IL13RA1: variants seen among roughly 807,000 people sequenced by gnomAD.
IL13RA1 encodes the protein interleukin-13 receptor subunit alpha-1.
A neutral mutation model predicts 33.8 loss-of-function variants in IL13RA1; 14 were observed. The ratio of observed to expected loss-of-function variants is 0.41; its 90% CI spans 0.27 to 0.65. IL13RA1 has a LOEUF of 0.65. IL13RA1 is among the 30% of genes least tolerant of loss of function. IL13RA1 has a pLI of 0.28. For missense variants in IL13RA1, 313 were observed against 327.0 expected, an observed-to-expected ratio of 0.96 and a Z score of 0.33; for synonymous variants, 116 against 115.7, an observed-to-expected ratio of 1.00 and a Z score of -0.02.
intron 1 of IL13RA1, among the ~76,000 whole-genome samples, chrX:118,736,024 ATTCT>A (rs1309086455): frequency 9.0e-6 from 1 of 110,830 alleles, no homozygotes; most frequent in African/African-American, 3.3e-5. Flanking sequence ...AAGTTTATTG[ATTCT>A]TTCTTCTGCC....
At chrX:118,734,944 A>C (rs145619488) in intron 1 of IL13RA1, among the ~76,000 whole-genome samples, 2 of 111,005 alleles carry the variant, frequency 1.8e-5, no homozygotes, top group African/African-American at 6.6e-5. Flanking sequence ...ATTTTTGATT[A>C]CTGATTCAAT....
Position 118,747,770 on chromosome X carries a change from T to C in IL13RA1, c.367+678T>C, listed in dbSNP as rs187170021. The stretch of plus-strand genomic sequence containing the variant: ...TGGCTCTTATGTTACATACAGGGAG[T>C]AGCATATACTGATTAAGAGCAGGGC... On this transcript the variant is annotated intron_variant, in intron 3 of 10. Coordinates refer to ENST00000371666, the MANE Select transcript of IL13RA1 (RefSeq NM_001560.3). Among the ~76,000 whole-genome samples, 348 of 109,964 alleles carry C rather than the reference T, an allele frequency of 3.2e-3. 1 individual carries two copies. Among genetic ancestry groups the C allele is most frequent in the African/African-American group, 0.011 (334 of 30,290 alleles).
At chrX:118,796,820 G>A (rs1393072694), downstream of IL13RA1, among the ~76,000 whole-genome samples, 2 of 112,987 alleles carry the variant, frequency 1.8e-5, no homozygotes, top group Admixed American at 9.3e-5. Context: ...ACAGGCGTGA[G>A]CCACCGTGCC....
At chrX:118,747,384 C>T (rs946622929) in intron 3 of IL13RA1, among the ~76,000 whole-genome samples, 5 of 109,635 alleles carry the variant, frequency 4.6e-5, no homozygotes, top group African/African-American at 1.3e-4. Flanking sequence ...CACACACACA[C>T]GCACACCCCT....
chrX:118,782,285 G>C (rs943240985), intron 10 of IL13RA1, among the ~76,000 whole-genome samples: 1 of 110,977 alleles, frequency 9.0e-6, no homozygotes, highest in African/African-American at 3.3e-5. Context: ...ATGTTGCCCA[G>C]GCTGGTCTTG....
chrX:118,799,716 A>G, the IL13RA1 span, among the ~76,000 whole-genome samples: 1 of 67,180 alleles, frequency 1.5e-5, no homozygotes, highest in Non-Finnish European at 2.8e-5. Context: ...TAAACACACC[A>G]ATCAGCACCT....
rs921472645 is a variant in IL13RA1 at position 118,727,773 on chromosome X, C to A, written c.88+47C>A. Reference sequence around the variant, plus strand: ...CGAGGGGCGGCCGGAGGGCTGAGGGCGGTGAGGGTCACGGCTGAAAGGCCC... The same window carrying A: ...CGAGGGGCGGCCGGAGGGCTGAGGGAGGTGAGGGTCACGGCTGAAAGGCCC... On this transcript the variant is annotated intron_variant, in intron 1 of 10. Coordinates refer to ENST00000371666, the MANE Select transcript of IL13RA1 (RefSeq NM_001560.3). The A allele has an allele frequency of 1.1e-5, 7 of 609,477 alleles. No individual in the cohort carries two copies. In the African/African-American group the frequency reaches 1.5e-4, roughly 13 times the overall value. 50.2% of individuals were successfully genotyped at this position (609,477 alleles called of 1,213,427 possible). A position where few individuals can be genotyped will look rare whatever the true frequency, so the allele number is the denominator to read the frequency against.
intron 10 of IL13RA1, among the ~76,000 whole-genome samples, chrX:118,781,874 G>C (rs1007505806): frequency 8.1e-5 from 9 of 111,338 alleles, no homozygotes; most frequent in African/African-American, 2.9e-4. Context: ...TGATACAACA[G>C]CATGTCCCCT....
At chrX:118,786,074 G>C (rs2017913653) in intron 10 of IL13RA1, among the ~76,000 whole-genome samples, 1 of 111,434 alleles carries the variant, frequency 9.0e-6, no homozygotes, top group Non-Finnish European at 1.9e-5. Context: ...TTCTGTAAGA[G>C]TATTATTCTG....
chrX:118,772,010 A>G (rs1420573090), intron 8 of IL13RA1, among the ~76,000 whole-genome samples: 1 of 112,303 alleles, frequency 8.9e-6, no homozygotes, highest in Non-Finnish European at 1.9e-5. Context: ...ATCTCTGGAA[A>G]ACTAGTTGGT....
At position 118,770,546 on chromosome X, in the gene IL13RA1, G is replaced by A. The variant is rs745459269; in HGVS notation, c.1010-3333G>A. ...AACCAGGACTTCGTGGTGTGGATGC[G>A]CATGGCAGCGCTGCCCACGTTCCGC... On this transcript the variant is annotated intron_variant, in intron 8 of 10. Transcript: ENST00000371666. The A allele has an allele frequency of 3.2e-5, 17 of 523,084 alleles. No homozygotes were observed. In the East Asian group the frequency reaches 5.9e-4, roughly 18 times the overall value. The allele number at this position is 523,084 out of a possible 1,213,427, so 43.1% of individuals were successfully genotyped here. A position where few individuals can be genotyped will look rare whatever the true frequency, so the allele number is the denominator to read the frequency against.
Position 118,776,470 on chromosome X carries a change from AT to A in IL13RA1, c.1155del (p.Phe385LeufsTer32). 1 of 959,581 alleles carries A rather than the reference AT, an allele frequency of 1.0e-6. No individual in the cohort carries two copies. Among genetic ancestry groups the A allele is most frequent in the Non-Finnish European group, 1.5e-6 (1 of 680,063 alleles). The allele number at this position is 959,581 out of a possible 1,213,427, so 79.1% of individuals were successfully genotyped here. On this transcript the variant is annotated frameshift_variant, in exon 10 of 11. Coordinates refer to ENST00000371666, the MANE Select transcript of IL13RA1 (RefSeq NM_001560.3). LOFTEE classifies it high-confidence loss of function. ...CCCTCCAATTCCTGATCCTGGCAAG[AT>A]TTTTAAAGAAATGTTTGGAGACCAG... ...IFPPIPDPGKIFKEMFGDQND... is the reference protein window; with the variant it reads ...IFPPIPDPGKXFKEMFGDQND...
chrX:118,763,013 T>G (rs1364183046), intron 6 of IL13RA1, among the ~76,000 whole-genome samples: 1 of 111,171 alleles, frequency 9.0e-6, no homozygotes, highest in African/African-American at 3.3e-5. Flanking sequence ...CAACACATAC[T>G]GGGGCCTGTG....
At chrX:118,730,547 G>A (rs2017205219) in intron 1 of IL13RA1, among the ~76,000 whole-genome samples, 1 of 111,654 alleles carries the variant, frequency 9.0e-6, no homozygotes, top group Non-Finnish European at 1.9e-5. Flanking sequence ...CTCCTTTGTG[G>A]TCAAGAAGGA....
intron 1 of IL13RA1, among the ~76,000 whole-genome samples, chrX:118,734,146 A>G (rs1487261405): frequency 8.9e-6 from 1 of 112,141 alleles, no homozygotes; most frequent in Non-Finnish European, 1.9e-5. Context: ...TATTTCTGCA[A>G]AACTATGCCA....
intron 1 of IL13RA1, 148 bp from the exon 2 acceptor site, chrX:118,740,869 G>C: frequency 2.0e-6 from 1 of 502,491 alleles, no homozygotes; most frequent in South Asian, 3.0e-5. Flanking sequence ...AATATGTGTG[G>C]AATATTTAGA....
In IL13RA1 at chrX:118,734,479, T is replaced by G. The variant is rs141039003; in HGVS notation, c.89-6538T>G. On this transcript the variant is annotated intron_variant, in intron 1 of 10. Coordinates refer to ENST00000371666, the MANE Select transcript of IL13RA1 (RefSeq NM_001560.3). ...ACTGTGGGTTTTTCATATATAACTT[T>G]TAAGTCAATTTTCTTACACTCCTAG... Among the ~76,000 whole-genome samples the G allele has an allele frequency of 3.1e-3, 348 of 112,150 alleles. 1 individual carries two copies. The highest frequency in any genetic ancestry group is 0.011 in the African/African-American group (335 of 30,928).
At chrX:118,803,899 TTCCTTCCTTCCTTCCTTCCTTC>T in the IL13RA1 span, among the ~76,000 whole-genome samples, 11 of 101,708 alleles carry the variant, frequency 1.1e-4, no homozygotes, top group East Asian at 3.0e-4. Flanking sequence ...CCTTCCTTCC[TTCCTTCCTTCCTTCCTTCCTTC>T]CTCTCTCTCT....
intron 9 of IL13RA1, among the ~76,000 whole-genome samples, 159 bp from the exon 10 acceptor site, chrX:118,776,267 TG>T (rs1423158402): frequency 9.0e-5 from 10 of 111,689 alleles, no homozygotes; most frequent in African/African-American, 3.3e-4. Flanking sequence ...CATTGATTTT[TG>T]TGTACCCTAT....
Sources: allele counts gnomAD v4.1 joint callset (sites outside exome capture counted in the v4.1 genomes callset), GRCh38; gene constraint gnomAD v4.1.1; transcripts MANE v1.5; gene names NCBI Gene and HGNC (gene_info 2026-07-23, HGNC 2026-07-21).